Variants in KIAA1191 observed in about 807,000 individuals in gnomAD.
KIAA1191 encodes putative monooxygenase p33MONOX.
KIAA1191 carries 22 observed loss-of-function variants against 31.1 expected under a neutral mutation model. The observed-to-expected ratio is 0.71, with a 90% CI of 0.51 to 1.01. The LOEUF (loss-of-function observed/expected upper bound fraction) is 1.01. Ranked by LOEUF, KIAA1191 falls within the 50% of genes least tolerant of loss-of-function variation. KIAA1191 has a pLI of 0.00. For missense variants in KIAA1191, 319 were observed against 388.0 expected (o/e 0.82, Z 1.49); for synonymous variants, 130 against 143.9 (o/e 0.90, Z 0.69).
At position 176,356,795 on chromosome 5, in the gene KIAA1191, G is replaced by C. The variant is rs17078135; in HGVS notation, c.29-1046C>G. Reference sequence around the variant, plus strand: ...AAAATCATATAATAACACTCTCTAAGACATCAACCTGCCTGGCAATAAGTC... The same window carrying C: ...AAAATCATATAATAACACTCTCTAACACATCAACCTGCCTGGCAATAAGTC... On this transcript the variant is annotated intron_variant, in intron 3 of 8. Transcript: ENST00000298569. 3.7e-3 allele frequency among the ~76,000 whole-genome samples: 567 copies of C among 152,270 alleles called. 9 individuals are homozygous for C. Among genetic ancestry groups the C allele is most frequent in the African/African-American group, 0.013 (539 of 41,564 alleles).
Position 176,348,010 on chromosome 5 carries a change from G to A in KIAA1191, c.620C>T (p.Thr207Ile), listed in dbSNP as rs1438766281. Residue 207 changes from threonine (T) to isoleucine (I), a missense_variant, in exon 8 of 9, where the codon ACC (threonine) becomes ATC (isoleucine). By Grantham distance (89) the Thr-to-Ile change is moderately conservative (BLOSUM62 -1). Transcript: ENST00000298569. ...STALPGPNPS[T>I]MDSGSGDKDR... is the part of the protein sequence containing the mutation. ...CTTATCCCCACTTCCAGAGTCCATG[G>A]TGCTAGGATTTGGGCCAGGTAAGGC... 6 of 1,613,978 alleles carry A rather than the reference G, an allele frequency of 3.7e-6. No individual in the cohort carries two copies. Among genetic ancestry groups the A allele is most frequent in the South Asian group, 1.1e-5 (1 of 91,084 alleles).
At chr5:176,350,523 A>T in intron 6 of KIAA1191, 90 bp downstream of exon 6, 1 of 1,510,146 alleles carries the variant, frequency 6.6e-7, no homozygotes, top group South Asian at 1.2e-5. Context: ...ACAGCCCCCA[A>T]CTAACTGAGC....
chr5:176,350,489 G>A, intron 6 of KIAA1191, 124 bp downstream of exon 6: 1 of 1,229,148 alleles, frequency 8.1e-7, no homozygotes, highest in Non-Finnish European at 1.1e-6. Context: ...ACGAGGCTAA[G>A]AGCTCGGGAG....
chr5:176,359,083 CAAA>C (rs70991539), intron 3 of KIAA1191, among the ~76,000 whole-genome samples: 4 of 51,870 alleles, frequency 7.7e-5, no homozygotes, highest in Admixed American at 2.7e-4. Flanking sequence ...GACTCTGTCT[CAAA>C]AAAAAAAAAA....
intron 6 of KIAA1191, among the ~76,000 whole-genome samples, chr5:176,349,375 T>C (rs1165272403): frequency 2.0e-5 from 3 of 152,174 alleles, no homozygotes; most frequent in Admixed American, 1.3e-4. Flanking sequence ...TCATCTGGAA[T>C]GCTCATTACA....
intron 5 of KIAA1191, among the ~76,000 whole-genome samples, chr5:176,351,174 C>T (rs990365360): frequency 3.3e-5 from 5 of 151,780 alleles, no homozygotes; most frequent in Admixed American, 6.6e-5. Context: ...AACCCCATCT[C>T]TACTAAAAAT....
intron 5 of KIAA1191, among the ~76,000 whole-genome samples, chr5:176,351,567 G>T (rs1308755730): frequency 2.0e-5 from 3 of 151,616 alleles, no homozygotes; most frequent in Non-Finnish European, 4.4e-5. Flanking sequence ...AGACCATCCT[G>T]CCCAACAGAG....
intron 3 of KIAA1191, 140 bp downstream of exon 3, chr5:176,359,341 T>C: frequency 1.3e-6 from 1 of 745,632 alleles, no homozygotes; most frequent in Non-Finnish European, 2.2e-6. Context: ...TAAAATAAAA[T>C]AAGCCAATCT....
chr5:176,360,153 ATT>A lies in KIAA1191; in HGVS notation c.-167-237_-167-236del, dbSNP rs200839926. On this transcript the variant is annotated intron_variant, in intron 1 of 8. Coordinates refer to ENST00000298569, the MANE Select transcript of KIAA1191 (RefSeq NM_020444.5). ...GCAGATATTATTTATCCCAATCCCA[ATT>A]TTTTTTTTTTTTTTTTTTTGAGACG... 4.3e-4 allele frequency among the ~76,000 whole-genome samples: 53 copies of A among 123,048 alleles called. 1 individual carries two copies. The highest frequency in any genetic ancestry group is 1.9e-3 in the Admixed American group (22 of 11,742). 80.7% of individuals were successfully genotyped at this position (123,048 alleles called of 152,430 possible). A position where few individuals can be genotyped will look rare whatever the true frequency, so the allele number is the denominator to read the frequency against.
chr5:176,355,521 G>T lies in KIAA1191; in HGVS notation c.207+50C>A. 1 of 1,563,832 alleles carries T rather than the reference G, an allele frequency of 6.4e-7. No homozygotes were observed. Among genetic ancestry groups the T allele is most frequent in the Non-Finnish European group, 8.7e-7 (1 of 1,147,066 alleles). The stretch of plus-strand genomic sequence containing the variant: ...GCCACTGAAGGCTTCTGGAGCAGAG[G>T]AAGGACAAAGGGGTTGCGTATGCCA... On this transcript the variant is annotated intron_variant, in intron 4 of 8. Transcript: ENST00000298569. This position sits in a 1 kb window ranked among gnomAD's most constrained non-coding sequence, Gnocchi z 4.2.
intron 3 of KIAA1191, among the ~76,000 whole-genome samples, chr5:176,358,860 G>A (rs183972693): frequency 2.0e-4 from 31 of 152,122 alleles, no homozygotes; most frequent in South Asian, 4.1e-4. Flanking sequence ...CGAGGCGGGC[G>A]GATCACAAGG....
rs1248431864 is a variant in KIAA1191, at chr5:176,361,404, T to C, written c.-168+198A>G. ...AGGGCATTCCCGGAGAGAAGCCCCA[T>C]TACGGAGACCCCAGAGAGCGGAGCC... On this transcript the variant is annotated intron_variant, in intron 1 of 8. Coordinates refer to ENST00000298569, the MANE Select transcript of KIAA1191 (RefSeq NM_020444.5). This position sits in a 1 kb window ranked among gnomAD's most constrained non-coding sequence, Gnocchi z 4.0. The C allele has an allele frequency of 6.6e-6, 1 of 152,210 alleles. No individual in the cohort carries two copies. Among genetic ancestry groups the C allele is most frequent in the East Asian group, 1.9e-4 (1 of 5,186 alleles). 9.4% of individuals were successfully genotyped at this position (152,210 alleles called of 1,614,324 possible).
Position 176,348,393 on chromosome 5 carries a change from T to G in KIAA1191, c.460-37A>C, listed in dbSNP as rs1766706580. 3 of 1,522,936 alleles carry G rather than the reference T, an allele frequency of 2.0e-6. No homozygotes were observed. The East Asian group carries it at 6.8e-5, about 34-fold the overall frequency. 94.3% of individuals were successfully genotyped at this position (1,522,936 alleles called of 1,614,324 possible). A position where few individuals can be genotyped will look rare whatever the true frequency, so the allele number is the denominator to read the frequency against. ...GGTAAGAAGAGAGACTTTTTAAAAA[T>G]GAAAGCAAATTCCAAACAGATAAGT... is the stretch of plus-strand genomic sequence containing the variant. On this transcript the variant is annotated intron_variant, in intron 6 of 8. Transcript: ENST00000298569.
rs144822999 is a variant in KIAA1191 at position 176,347,700 on chromosome 5, G to C, written c.818C>G (p.Pro273Arg). Residue 273 changes from proline to arginine, a missense_variant, in exon 9 of 9, where the codon CCC becomes CGC. Transcript: ENST00000298569. ...MAEDPAALKPPKMDIPVMEGK... is the reference protein window; with the variant it reads ...MAEDPAALKPRKMDIPVMEGK... ...TTCCATCACTGGGATGTCCATCTTGGGGGGCTTCAAGGCTGCTGGATCTTC... is the reference window on the plus strand; with the variant it reads ...TTCCATCACTGGGATGTCCATCTTGCGGGGCTTCAAGGCTGCTGGATCTTC... 5 of 1,603,942 alleles carry C rather than the reference G, an allele frequency of 3.1e-6. No homozygotes were observed. In the East Asian group the frequency reaches 6.7e-5, roughly 21 times the overall value.
chr5:176,359,953 C>T (rs535341080), intron 1 of KIAA1191, 35 bp from the exon 2 acceptor site: 2 of 167,164 alleles, frequency 1.2e-5, no homozygotes, highest in African/African-American at 4.7e-5. Flanking sequence ...TGGAACAGCC[C>T]GTCAGAGTCT....
Position 176,347,078 on chromosome 5 carries a change from A to G in KIAA1191, c.*522T>C, listed in dbSNP as rs1766566316. On this transcript the variant is annotated 3_prime_UTR_variant, in exon 9 of 9. Coordinates refer to ENST00000298569, the MANE Select transcript of KIAA1191 (RefSeq NM_020444.5). ...CCCATACACCCGTGCTGAGAATATT[A>G]GTCTAACTTTAAAGCAGTACAAAAT... 1 of 152,260 alleles carries G rather than the reference A, an allele frequency of 6.6e-6. No individual in the cohort carries two copies. Among genetic ancestry groups the G allele is most frequent in the Non-Finnish European group, 1.5e-5 (1 of 68,054 alleles). 9.4% of individuals were successfully genotyped at this position (152,260 alleles called of 1,614,324 possible).
At chr5:176,350,297 G>C (rs1766869963) in intron 6 of KIAA1191, among the ~76,000 whole-genome samples, 1 of 152,146 alleles carries the variant, frequency 6.6e-6, no homozygotes, top group Non-Finnish European at 1.5e-5. Flanking sequence ...ATTTTAACTT[G>C]TTCCTTTCCA....
At chr5:176,354,715 T>G (rs555177033) in intron 4 of KIAA1191, among the ~76,000 whole-genome samples, 11 of 152,226 alleles carry the variant, frequency 7.2e-5, no homozygotes, top group South Asian at 6.2e-4. Flanking sequence ...GAGCAGTTTT[T>G]GGGAATCTAT....
At position 176,348,078 on chromosome 5, in the gene KIAA1191, AC is replaced by A; in HGVS notation, c.567-16del. The stretch of plus-strand genomic sequence containing the variant: ...TGAACCAGCCCCTGGGAAAGAAAGA[AC>A]AAAACATATCCTAAAATACCTCTTC... On this transcript the variant is annotated splice_polypyrimidine_tract_variant and intron_variant, in intron 7 of 8. Coordinates refer to ENST00000298569, the MANE Select transcript of KIAA1191 (RefSeq NM_020444.5). 6.2e-7 allele frequency: 1 copy of A among 1,613,168 alleles called. No homozygotes were observed. The highest frequency in any genetic ancestry group is 1.3e-5 in the African/African-American group (1 of 74,950).
Sources: allele counts gnomAD v4.1 joint callset (sites outside exome capture counted in the v4.1 genomes callset), GRCh38; gene constraint gnomAD v4.1.1; non-coding constraint Gnocchi (gnomAD v3.1); transcripts MANE v1.5; gene names NCBI Gene and HGNC (gene_info 2026-07-23, HGNC 2026-07-21).